AATF: variants seen among roughly 807,000 people sequenced by gnomAD.
The protein encoded by AATF is protein AATF.
Under a neutral mutation model 63.7 loss-of-function variants are expected in AATF, and 48 were observed. That is an observed-to-expected ratio of 0.75 (90% CI 0.60 to 0.96). The LOEUF (loss-of-function observed/expected upper bound fraction) is 0.96, where lower values mean the gene tolerates loss of function less well. Among genes scored for constraint, AATF ranks in the 40% least tolerant of loss-of-function variants. AATF has a pLI of 0.00. For synonymous variants in AATF, 258 were observed against 247.7 expected, an observed-to-expected ratio of 1.04 and a Z score of -0.39; for missense variants, 639 against 685.7, an observed-to-expected ratio of 0.93 and a Z score of 0.76.
At chr17:36,971,757 G>A (rs1026069354) in intron 4 of AATF, among the ~76,000 whole-genome samples, 1 of 152,156 alleles carries the variant, frequency 6.6e-6, no homozygotes, top group Non-Finnish European at 1.5e-5. Flanking sequence ...AAACGTGGAT[G>A]AACCTCAAGG....
intron 8 of AATF, among the ~76,000 whole-genome samples, chr17:37,011,165 G>A (rs2071387660): frequency 6.6e-6 from 1 of 152,184 alleles, no homozygotes; most frequent in South Asian, 2.1e-4. Context: ...GAGTTCAGGA[G>A]TTCGAGACCA....
At chr17:37,016,732 GT>G (rs2071431659) in intron 8 of AATF, among the ~76,000 whole-genome samples, 1 of 149,544 alleles carries the variant, frequency 6.7e-6, no homozygotes, top group African/African-American at 2.5e-5. Flanking sequence ...TTTAGCAACT[GT>G]TTTGAAAGCA....
At chr17:37,046,564 G>A (rs1181882678) in intron 11 of AATF, among the ~76,000 whole-genome samples, 1 of 152,120 alleles carries the variant, frequency 6.6e-6, no homozygotes, top group East Asian at 1.9e-4. Flanking sequence ...CTTCTTGTGC[G>A]TTTTGATTGG....
At chr17:37,044,617 T>TTGGTTCTGATGGCCCC (rs1413816441) in intron 11 of AATF, among the ~76,000 whole-genome samples, 1 of 152,202 alleles carries the variant, frequency 6.6e-6, no homozygotes, top group Non-Finnish European at 1.5e-5. Context: ...TAAACCAGGT[T>TTGGTTCTGATGGCCCC]TGGTTCTGAT....
chr17:36,989,176 A>G, intron 6 of AATF, 71 bp from the exon 7 acceptor site: 1 of 1,486,558 alleles, frequency 6.7e-7, no homozygotes, highest in South Asian at 1.4e-5. Flanking sequence ...ACAGAAAGAT[A>G]GAGAAACCAA....
intron 8 of AATF, among the ~76,000 whole-genome samples, chr17:36,995,339 T>C (rs933762543): frequency 6.6e-6 from 1 of 152,240 alleles, no homozygotes; most frequent in African/African-American, 2.4e-5. Context: ...AGGTAATTAC[T>C]AATTCAGTGA....
At position 37,045,464 on chromosome 17, in the gene AATF, T is replaced by G. The variant is rs1194886592; in HGVS notation, c.1620-11137T>G. 4 of 152,332 alleles carry G rather than the reference T, an allele frequency of 2.6e-5. No individual in the cohort carries two copies. In the East Asian group the frequency reaches 5.8e-4, roughly 22 times the overall value. 9.4% of individuals were successfully genotyped at this position (152,332 alleles called of 1,614,324 possible). On this transcript the variant is annotated intron_variant, in intron 11 of 11. Transcript: ENST00000619387. ...TGCCGACACCCAGGAGACACAGTCC[T>G]GTTCCGTTCCCCTTTCTGCTTCTCA...
In AATF at chr17:36,950,199, C is replaced by G; in HGVS notation, c.92-15C>G. 1 of 1,608,560 alleles carries G rather than the reference C, an allele frequency of 6.2e-7. No homozygotes were observed. The highest frequency in any genetic ancestry group is 8.5e-7 in the Non-Finnish European group (1 of 1,175,712). ...AACCTGGAGATTCTGTTTACTTTTC[C>G]CTCTCCCCCGACAGCCACTGCTGCC... On this transcript the variant is annotated splice_polypyrimidine_tract_variant and intron_variant, in intron 1 of 11. Transcript: ENST00000619387.
intron 11 of AATF, among the ~76,000 whole-genome samples, chr17:37,042,459 G>A (rs2071648776): frequency 6.6e-6 from 1 of 151,006 alleles, no homozygotes; most frequent in Non-Finnish European, 1.5e-5. Context: ...CTGTTGCCCA[G>A]GCTGGAGTAC....
At chr17:37,040,184 G>A (rs887174100) in intron 11 of AATF, among the ~76,000 whole-genome samples, 1 of 152,146 alleles carries the variant, frequency 6.6e-6, no homozygotes, top group African/African-American at 2.4e-5. Flanking sequence ...TTACTTGCAA[G>A]CCGGTAGGCA....
intron 5 of AATF, 21 bp downstream of exon 5, chr17:36,986,752 A>G (rs768141709): frequency 6.3e-7 from 1 of 1,579,342 alleles, no homozygotes; most frequent in Non-Finnish European, 8.7e-7. Flanking sequence ...AGAATCATGG[A>G]GTTGCTTATT....
At chr17:36,986,289 A>G (rs1251377214) in intron 4 of AATF, among the ~76,000 whole-genome samples, 2 of 152,202 alleles carry the variant, frequency 1.3e-5, no homozygotes, top group African/African-American at 2.4e-5. Flanking sequence ...GAACAAATTA[A>G]TGGTTATAAT....
At chr17:37,000,236 T>C (rs990392443) in intron 8 of AATF, among the ~76,000 whole-genome samples, 4 of 152,110 alleles carry the variant, frequency 2.6e-5, no homozygotes, top group Non-Finnish European at 5.9e-5. Flanking sequence ...TCTGGATTTA[T>C]GTTGAAGGTT....
At chr17:36,953,408 T>TG in intron 3 of AATF, 112 bp downstream of exon 3, 1 of 1,498,832 alleles carries the variant, frequency 6.7e-7, no homozygotes, top group Non-Finnish European at 8.9e-7. Context: ...TCAATTAGTT[T>TG]GTGACATGCC....
At chr17:37,036,335 G>C (rs537696765) in intron 11 of AATF, among the ~76,000 whole-genome samples, 1 of 152,110 alleles carries the variant, frequency 6.6e-6, no homozygotes, top group Admixed American at 6.5e-5. Flanking sequence ...CCCTTTTCCA[G>C]TTTGAACTCA....
In AATF at chr17:36,988,539, A is replaced by T; in HGVS notation, c.968A>T (p.Asp323Val). The T allele has an allele frequency of 6.2e-7, 1 of 1,614,090 alleles. No individual in the cohort carries two copies. The highest frequency in any genetic ancestry group is 8.5e-7 in the Non-Finnish European group (1 of 1,179,994). ...NAGSEEISSE[D>V]DELVEEKKQQ... is the part of the protein sequence containing the mutation. Reference sequence around the variant, plus strand: ...TCTAGTGAGGAGATTTCTAGTGAAGATGATGAGCTGGTAGAAGAGAAGAAG... The same window carrying T: ...TCTAGTGAGGAGATTTCTAGTGAAGTTGATGAGCTGGTAGAAGAGAAGAAG... The change falls in exon 6 of 12, where the codon GAT (aspartate) becomes GTT (valine). Residue 323 changes from aspartate to valine, a missense_variant. Coordinates refer to ENST00000619387, the MANE Select transcript of AATF (RefSeq NM_012138.4).
At chr17:37,044,623 C>T (rs1287234469) in intron 11 of AATF, among the ~76,000 whole-genome samples, 4 of 152,162 alleles carry the variant, frequency 2.6e-5, no homozygotes, top group Non-Finnish European at 5.9e-5. Flanking sequence ...AGGTTTGGTT[C>T]TGATGGCCTT....
intron 10 of AATF, among the ~76,000 whole-genome samples, chr17:37,026,737 A>G (rs2071513827): frequency 6.6e-6 from 1 of 152,236 alleles, no homozygotes; most frequent in Non-Finnish European, 1.5e-5. Flanking sequence ...GTCTGATTCC[A>G]GAGCCTGTTC....
rs753861401 is a variant in AATF at position 36,953,058 on chromosome 17, G to C, written c.456G>C (p.Gln152His). 1 of 1,614,158 alleles carries C rather than the reference G, an allele frequency of 6.2e-7. No homozygotes were observed. The highest frequency in any genetic ancestry group is 2.2e-5 in the East Asian group (1 of 44,880). ...HSAKTPGFSV[Q>H]SISDFEKFTK... ...CAAAAACACCGGGCTTCAGTGTCCAGAGTATCAGTGACTTTGAGAAATTTA... is the reference window on the plus strand; with the variant it reads ...CAAAAACACCGGGCTTCAGTGTCCACAGTATCAGTGACTTTGAGAAATTTA... The change falls in exon 3 of 12, where the codon CAG (glutamine) becomes CAC (histidine). Residue 152 changes from glutamine (Q) to histidine (H), a missense_variant. Physicochemically the swap from Gln to His is conservative, Grantham distance 24. Transcript: ENST00000619387.
Sources: gnomAD v4.1 joint callset for allele counts (sites outside exome capture counted in the v4.1 genomes callset) on GRCh38, gnomAD v4.1.1 for gene constraint, MANE v1.5 for transcripts, NCBI Gene and HGNC (gene_info 2026-07-23, HGNC 2026-07-21) for gene names.